The following CSMD1 variants were observed in gnomAD, a reference collection of about 807,000 sequenced individuals.
CSMD1 encodes the protein CUB and sushi domain-containing protein 1.
A neutral mutation model predicts 417.5 loss-of-function variants in CSMD1; 213 were observed. That is an observed-to-expected ratio of 0.51 (90% confidence interval 0.46 to 0.57). The LOEUF (loss-of-function observed/expected upper bound fraction) is 0.57, where lower values mean the gene tolerates loss of function less well. CSMD1 is among the 20% of genes least tolerant of loss of function. The probability of loss-of-function intolerance (pLI) is 0.00; values close to 1 mark genes in which losing one functional copy is unlikely to be tolerated. For missense variants in CSMD1, 6,923 were observed against 4,529.7 expected, an observed-to-expected ratio of 1.53 and a Z score of -15.17; for synonymous variants, 2,862 against 1,736.8, an observed-to-expected ratio of 1.65 and a Z score of -16.11.
At chr8:3,393,719 C>T (rs146597189) in intron 17 of CSMD1, among the ~76,000 whole-genome samples, 4,031 of 151,824 alleles carry the variant, frequency 0.027, 169 homozygotes, top group South Asian at 0.18. Flanking sequence ...AACCATCATT[C>T]TCAGCAAACT....
chr8:4,174,491 G>A (rs900573053), intron 3 of CSMD1, among the ~76,000 whole-genome samples: 5 of 151,322 alleles, frequency 3.3e-5, no homozygotes, highest in Non-Finnish European at 5.9e-5. Context: ...TTAAATCTTT[G>A]AGAAACTATG....
intron 5 of CSMD1, among the ~76,000 whole-genome samples, chr8:3,965,620 T>G (rs990013251): frequency 6.6e-6 from 1 of 152,048 alleles, no homozygotes; most frequent in Admixed American, 6.6e-5. Flanking sequence ...TTTTATTTAT[T>G]TATTTATTTA....
At chr8:4,445,518 G>T (rs1162701481) in intron 2 of CSMD1, among the ~76,000 whole-genome samples, 2 of 152,116 alleles carry the variant, frequency 1.3e-5, no homozygotes, top group Admixed American at 6.6e-5. Context: ...ATACTTCATT[G>T]GTTTTGTTTT....
At chr8:4,342,809 T>C (rs1164268199) in intron 3 of CSMD1, among the ~76,000 whole-genome samples, 1 of 151,754 alleles carries the variant, frequency 6.6e-6, no homozygotes. Context: ...GGTTCGTTCC[T>C]GCCACAACAT....
At chr8:3,352,415 A>G (rs969165471) in intron 21 of CSMD1, among the ~76,000 whole-genome samples, 3 of 152,242 alleles carry the variant, frequency 2.0e-5, no homozygotes, top group African/African-American at 7.2e-5. Flanking sequence ...GAAGAGAAGT[A>G]TCTTTGAAAG....
chr8:3,666,035 A>G (rs1182713077), intron 7 of CSMD1, among the ~76,000 whole-genome samples: 2 of 152,078 alleles, frequency 1.3e-5, no homozygotes, highest in African/African-American at 2.4e-5. Flanking sequence ...AGGTGGGATT[A>G]CAGGTGCCCA....
intron 54 of CSMD1, among the ~76,000 whole-genome samples, chr8:2,991,660 A>G (rs1176694492): frequency 4.6e-5 from 7 of 152,260 alleles, no homozygotes; most frequent in Non-Finnish European, 8.8e-5. Context: ...CTTTTTAAAA[A>G]AAAGCAAAAA....
chr8:4,676,207 G>C (rs922732004), intron 1 of CSMD1, among the ~76,000 whole-genome samples: 6 of 152,118 alleles, frequency 3.9e-5, no homozygotes, highest in African/African-American at 1.2e-4. Context: ...GAATAGTTTT[G>C]TGGTACTTGG....
intron 23 of CSMD1, among the ~76,000 whole-genome samples, chr8:3,325,979 A>G (rs114646574): frequency 6.6e-6 from 1 of 152,236 alleles, no homozygotes; most frequent in Non-Finnish European, 1.5e-5. Context: ...GAAATTATTC[A>G]AATCAATGGA....
chr8:4,485,704 G>A (rs143156982), intron 2 of CSMD1, among the ~76,000 whole-genome samples: 1 of 151,960 alleles, frequency 6.6e-6, no homozygotes, highest in Admixed American at 6.6e-5. Context: ...ATTAACAAAA[G>A]AAATCCCAAA....
intron 26 of CSMD1, among the ~76,000 whole-genome samples, chr8:3,254,375 G>A (rs571982611): frequency 6.6e-6 from 1 of 152,174 alleles, no homozygotes; most frequent in East Asian, 1.9e-4. Context: ...TTCTCGAGGG[G>A]TATATTTGTG....
chr8:4,827,493 G>C (rs1235418443), intron 1 of CSMD1, among the ~76,000 whole-genome samples: 1 of 152,100 alleles, frequency 6.6e-6, no homozygotes, highest in Non-Finnish European at 1.5e-5. Flanking sequence ...AAGATGAACT[G>C]AATATTTTTC....
At chr8:4,879,301 A>G (rs915734191) in intron 1 of CSMD1, among the ~76,000 whole-genome samples, 2 of 152,048 alleles carry the variant, frequency 1.3e-5, no homozygotes, top group African/African-American at 4.8e-5. Flanking sequence ...TTTATTGGCT[A>G]TATTTAGCAG....
At chr8:4,040,529 A>C (rs1215100030) in intron 3 of CSMD1, among the ~76,000 whole-genome samples, 1 of 152,198 alleles carries the variant, frequency 6.6e-6, no homozygotes, top group East Asian at 1.9e-4. Context: ...TAACATCAGA[A>C]GAGGTGATGA....
At chr8:4,129,883 G>A (rs1464852130) in intron 3 of CSMD1, among the ~76,000 whole-genome samples, 1 of 151,818 alleles carries the variant, frequency 6.6e-6, no homozygotes, top group African/African-American at 2.4e-5. Context: ...TTCTTGTTTT[G>A]TGAATATAAT....
rs144968535 is a variant in CSMD1 at position 3,372,732 on chromosome 8, G to A, written c.2783-3362C>T. Among the ~76,000 whole-genome samples, 198 of 152,250 alleles carry A rather than the reference G, an allele frequency of 1.3e-3. 1 individual carries two copies. The highest frequency in any genetic ancestry group is 4.5e-3 in the African/African-American group (187 of 41,540). ...TGGATACCAAAGCTCCAAGTCTGCT[G>A]GGCTTGCCTGTAGAATGGCCGACAT... On this transcript the variant is annotated intron_variant, in intron 18 of 69. Coordinates refer to ENST00000635120, the MANE Select transcript of CSMD1 (RefSeq NM_033225.6).
rs576287586 is a variant in CSMD1, at chr8:4,893,326, TTA to T, written c.85+101004_85+101005del. Among the ~76,000 whole-genome samples, 49 of 152,222 alleles carry T rather than the reference TTA, an allele frequency of 3.2e-4. 1 individual carries two copies. The highest frequency in any genetic ancestry group is 1.2e-3 in the African/African-American group (49 of 41,518). On this transcript the variant is annotated intron_variant, in intron 1 of 69. Coordinates refer to ENST00000635120, the MANE Select transcript of CSMD1 (RefSeq NM_033225.6). Reference sequence around the variant, plus strand: ...ATATTCTGTAGAGTAATCCATTATTTTATGTTGTTTAGTATTTTTCTGTCACT... The same window carrying T: ...ATATTCTGTAGAGTAATCCATTATTTTGTTGTTTAGTATTTTTCTGTCACT...
chr8:4,215,165 G>A (rs1800565822), intron 3 of CSMD1, among the ~76,000 whole-genome samples: 1 of 152,178 alleles, frequency 6.6e-6, no homozygotes, highest in South Asian at 2.1e-4. Context: ...CCAAACAGGG[G>A]CTGATAGGGA....
Position 4,994,401 on chromosome 8 carries a change from T to C in CSMD1, c.16A>G (p.Arg6Gly). 1.2e-6 allele frequency: 2 copies of C among 1,612,116 alleles called. No individual in the cohort carries two copies. The highest frequency in any genetic ancestry group is 1.7e-6 in the Non-Finnish European group (2 of 1,179,780). Residue 6 changes from arginine (R) to glycine (G), a missense_variant, in exon 1 of 70, where the codon AGA (arginine) becomes GGA (glycine). Physicochemically the swap from Arg to Gly is moderately radical, Grantham distance 125 (BLOSUM62 -2). Transcript: ENST00000635120. ...AGAAGCAGGAGCAGCGACTGGAATC[T>C]CCTCCACGCAGTCATGTCTGCAGAT... is the stretch of plus-strand genomic sequence containing the variant. The part of the protein sequence containing the change: MTAWR[R>G]FQSLLLLLGL...
Sources: gnomAD v4.1 joint callset for allele counts (sites outside exome capture counted in the v4.1 genomes callset) on GRCh38, gnomAD v4.1.1 for gene constraint, MANE v1.5 for transcripts, NCBI Gene and HGNC (gene_info 2026-07-23, HGNC 2026-07-21) for gene names.